Variants in CCNH observed in about 807,000 individuals in gnomAD.
The protein encoded by CCNH is cyclin H, also known as cyclin-H.
Under a neutral mutation model 41.9 loss-of-function variants are expected in CCNH, and 31 were observed. The ratio of observed to expected loss-of-function variants is 0.74; its 90% CI spans 0.56 to 1.00. The LOEUF (loss-of-function observed/expected upper bound fraction) is 1.00, where lower values mean the gene tolerates loss of function less well. Ranked by LOEUF, CCNH falls within the 50% of genes least tolerant of loss-of-function variation. CCNH has a pLI of 0.00. For synonymous variants in CCNH, 138 were observed against 136.1 expected (o/e 1.01, Z -0.10); for missense variants, 362 against 388.4 (o/e 0.93, Z 0.57).
chr5:87,357,157 TTGAG>T (rs1759712105), intron 9 of CCNH, among the ~76,000 whole-genome samples: 1 of 152,066 alleles, frequency 6.6e-6, no homozygotes, highest in Admixed American at 6.6e-5. Flanking sequence ...GTTTCACTTT[TTGAG>T]TAATTTTTTT....
intron 9 of CCNH, among the ~76,000 whole-genome samples, chr5:87,346,974 A>G (rs187382590): frequency 7.2e-5 from 11 of 152,080 alleles, no homozygotes; most frequent in Admixed American, 6.6e-4. Flanking sequence ...ACTAGGTGAC[A>G]GTTTTTTTTC....
downstream of CCNH, among the ~76,000 whole-genome samples, chr5:87,318,194 G>A (rs1756492592): frequency 6.6e-6 from 1 of 152,024 alleles, no homozygotes; most frequent in South Asian, 2.1e-4. Context: ...AAATATTTGT[G>A]GATTCCCTAC....
At chr5:87,379,899 C>G (rs1270929527), upstream of CCNH, 2 of 1,561,692 alleles carry the variant, frequency 1.3e-6, no homozygotes, top group Non-Finnish European at 1.8e-6. Context: ...TCTATGTCTT[C>G]AGAAATTTCT....
chr5:87,374,098 T>G (rs1761142879), downstream of CCNH: 1 of 1,243,314 alleles, frequency 8.0e-7, no homozygotes, highest in Admixed American at 3.7e-5. Flanking sequence ...AGTAATTGCT[T>G]TTGAAATGTA....
upstream of CCNH, chr5:87,378,570 G>A (rs768298378): frequency 8.9e-6 from 14 of 1,564,878 alleles, no homozygotes; most frequent in African/African-American, 1.6e-4. Flanking sequence ...AAGTATTTTT[G>A]CAAAGAACAT....
At chr5:87,378,663 C>A (rs1324144414), upstream of CCNH, 3 of 988,156 alleles carry the variant, frequency 3.0e-6, no homozygotes, top group South Asian at 3.0e-5. Context: ...ATAGCAGTTA[C>A]ACCTGTCTGT....
chr5:87,346,406 T>C (rs547119245), intron 9 of CCNH, among the ~76,000 whole-genome samples: 26 of 152,116 alleles, frequency 1.7e-4, no homozygotes, highest in African/African-American at 6.3e-4. Flanking sequence ...TCTGTTATTA[T>C]CAGGATTAAA....
chr5:87,360,723 T>C (rs1459125318), intron 9 of CCNH, among the ~76,000 whole-genome samples: 4 of 152,154 alleles, frequency 2.6e-5, no homozygotes, highest in African/African-American at 9.7e-5. Context: ...CACTCAGTGA[T>C]TGAGTTTGAG....
At chr5:87,337,334 A>C (rs1272075144) in intron 9 of CCNH, among the ~76,000 whole-genome samples, 1 of 152,022 alleles carries the variant, frequency 6.6e-6, no homozygotes, top group African/African-American at 2.4e-5. Context: ...CAGAAAAAAA[A>C]CATACATTCC....
intron 9 of CCNH, among the ~76,000 whole-genome samples, chr5:87,348,062 A>AT (rs779618913): frequency 1.4e-4 from 21 of 152,170 alleles, no homozygotes; most frequent in Admixed American, 3.3e-4. Flanking sequence ...TTCCTATCAT[A>AT]TTCTAGAAGA....
chr5:87,398,754 A>G (rs969513927), intron 7 of CCNH, among the ~76,000 whole-genome samples: 23 of 152,084 alleles, frequency 1.5e-4, no homozygotes, highest in African/African-American at 5.6e-4. Context: ...TGGGCGGATC[A>G]TGAGGTCAGG....
downstream of CCNH, among the ~76,000 whole-genome samples, chr5:87,373,787 G>A (rs1425248555): frequency 6.6e-6 from 1 of 151,952 alleles, no homozygotes; most frequent in Non-Finnish European, 1.5e-5. Context: ...TATAACATAC[G>A]GGATTTTAAT....
intron 9 of CCNH, chr5:87,385,319 C>G (rs1761992874): frequency 6.2e-7 from 1 of 1,609,766 alleles, no homozygotes; most frequent in Non-Finnish European, 8.5e-7. Context: ...TCTCCTATTG[C>G]TGCAAGAACA....
intron 9 of CCNH, among the ~76,000 whole-genome samples, chr5:87,327,306 CTT>C (rs1039176590): frequency 6.6e-6 from 1 of 152,128 alleles, no homozygotes; most frequent in Non-Finnish European, 1.5e-5. Context: ...ACTCTAGAGT[CTT>C]TTAACCGTTC....
exon 1 of CCNH, chr5:87,376,793 C>T: frequency 7.3e-7 from 1 of 1,368,502 alleles, no homozygotes; most frequent in Non-Finnish European, 1.0e-6. Context: ...AATATAAGAA[C>T]TTGTGAAAGA....
chr5:87,360,138 T>C (rs1458988161), intron 9 of CCNH, among the ~76,000 whole-genome samples: 2 of 151,952 alleles, frequency 1.3e-5, no homozygotes, highest in Non-Finnish European at 2.9e-5. Flanking sequence ...TTTTTTTTTT[T>C]TTTGAGATGG....
At chr5:87,313,212 T>C in the CCNH span, among the ~76,000 whole-genome samples, 1 of 152,194 alleles carries the variant, frequency 6.6e-6, no homozygotes, top group African/African-American at 2.4e-5. Flanking sequence ...TGGGTGAGTT[T>C]AGGTTTAAAA....
intron 9 of CCNH, among the ~76,000 whole-genome samples, chr5:87,352,522 A>G (rs960977832): frequency 6.6e-6 from 1 of 151,822 alleles, no homozygotes; most frequent in Non-Finnish European, 1.5e-5. Flanking sequence ...GTTCACTAAA[A>G]TTTATATTAA....
chr5:87,383,844 A>G, intron 9 of CCNH: 1 of 1,372,968 alleles, frequency 7.3e-7, no homozygotes, highest in Non-Finnish European at 1.0e-6. Flanking sequence ...ATACTATTTA[A>G]GAATACTCTT....
Sources: allele counts gnomAD v4.1 joint callset (sites outside exome capture counted in the v4.1 genomes callset), GRCh38; gene constraint gnomAD v4.1.1; transcripts MANE v1.5; gene names NCBI Gene and HGNC (gene_info 2026-07-23, HGNC 2026-07-21).